HENMT1: variants seen among roughly 807,000 people sequenced by gnomAD.
HENMT1 encodes the protein HEN methyltransferase 1, also known as small RNA 2'-O-methyltransferase.
HENMT1 carries 27 observed loss-of-function variants against 31.1 expected under a neutral mutation model. That is an observed-to-expected ratio of 0.87 (90% CI 0.64 to 1.20). The LOEUF (loss-of-function observed/expected upper bound fraction) is 1.20. Ranked by LOEUF, HENMT1 falls within the 50% of genes most tolerant of loss-of-function variation. The probability of loss-of-function intolerance (pLI) is 0.00; values close to 1 mark genes in which losing one functional copy is unlikely to be tolerated. For missense variants in HENMT1, 438 were observed against 469.6 expected, an observed-to-expected ratio of 0.93 and a Z score of 0.62; for synonymous variants, 167 against 172.2, an observed-to-expected ratio of 0.97 and a Z score of 0.24.
rs1391079520 is a variant in HENMT1 at position 108,651,135 on chromosome 1, A to C, written c.473T>G (p.Ile158Ser). Residue 158 changes from isoleucine to serine, a missense_variant, in exon 6 of 8, where the codon ATT becomes AGT. By Grantham distance (142) the Ile-to-Ser change is moderately radical. Coordinates refer to ENST00000651461, the MANE Select transcript of HENMT1 (RefSeq NM_001102592.2). ...VVFGYLSPSM[I>S]VISTPNSEFN... is the part of the protein sequence containing the mutation. ...TTCAGAGTTTGGTGTGCTGATGACA[A>C]TCATGGATGGAGACAGGTACCCAAA... 1 of 1,614,006 alleles carries C rather than the reference A, an allele frequency of 6.2e-7. No individual in the cohort carries two copies. The highest frequency in any genetic ancestry group is 1.7e-5 in the Admixed American group (1 of 60,024).
chr1:108,659,719 T>C, intron 2 of HENMT1, 145 bp downstream of exon 2: 1 of 544,260 alleles, frequency 1.8e-6, no homozygotes, highest in Non-Finnish European at 3.3e-6. Context: ...GACTCTTTCA[T>C]CTATGTATAC....
At chr1:108,649,520 G>C (rs1485592401) in intron 7 of HENMT1, 2 of 374,728 alleles carry the variant, frequency 5.3e-6, no homozygotes, top group Non-Finnish European at 1.0e-5. Context: ...GGAGGCTCAA[G>C]TGGGAGGATC....
intron 5 of HENMT1, 108 bp downstream of exon 5, chr1:108,654,608 T>C: frequency 1.8e-6 from 2 of 1,086,676 alleles, no homozygotes; most frequent in Non-Finnish European, 2.6e-6. Flanking sequence ...CAATGAGCAG[T>C]TTTCCTTACA....
At chr1:108,661,341 T>G (rs560706267), upstream of HENMT1, 2 of 152,394 alleles carry the variant, frequency 1.3e-5, no homozygotes, top group East Asian at 3.9e-4. Flanking sequence ...CTTCCGAACC[T>G]TGGCGAGGAC....
chr1:108,657,541 G>A lies in HENMT1; in HGVS notation c.60C>T (p.Pro20=). 1 of 1,613,382 alleles carries A rather than the reference G, an allele frequency of 6.2e-7. No homozygotes were observed. Among genetic ancestry groups the A allele is most frequent in the South Asian group, 1.1e-5 (1 of 91,062 alleles). Residue 20 remains proline (P), a synonymous_variant, in exon 3 of 8, where the codon CCC becomes CCT. Coordinates refer to ENST00000651461, the MANE Select transcript of HENMT1 (RefSeq NM_001102592.2). ...GTTTAAACTGAATTGCCGTCTCCCT[G>A]GGAACTTCTTCAAAATTACCGTCAA... ...SVVDGNFEEV[P]RETAIQFKPP...
At position 108,654,790 on chromosome 1, in the gene HENMT1, G is replaced by C. The variant is rs1658166742; in HGVS notation, c.324C>G (p.Ile108Met). The C allele has an allele frequency of 6.2e-7, 1 of 1,613,928 alleles. No homozygotes were observed. The highest frequency in any genetic ancestry group is 8.5e-7 in the Non-Finnish European group (1 of 1,179,934). ...CCACAACGGAGCCATGATACAATGT[G>C]ATGGTCAAATTCAGATCCCGAGGTT... The part of the protein sequence containing the change: ...FLKPRDLNLT[I>M]TLYHGSVVER... The change falls in exon 5 of 8, where the codon ATC (isoleucine) becomes ATG (methionine). Residue 108 changes from isoleucine (I) to methionine (M), a missense_variant. Coordinates refer to ENST00000651461, the MANE Select transcript of HENMT1 (RefSeq NM_001102592.2).
At position 108,652,377 on chromosome 1, in the gene HENMT1, A is replaced by G. The variant is rs75614770; in HGVS notation, c.399-1168T>C. 4.0e-3 allele frequency among the ~76,000 whole-genome samples: 603 copies of G among 152,360 alleles called. 4 individuals carry two copies. Among genetic ancestry groups the G allele is most frequent in the African/African-American group, 0.014 (567 of 41,570 alleles). Reference sequence around the variant, plus strand: ...CAACCTACTCTGAGATGGTTCAGATAAAAAATACACGTAGAAAGTTATATT... The same window carrying G: ...CAACCTACTCTGAGATGGTTCAGATGAAAAATACACGTAGAAAGTTATATT... On this transcript the variant is annotated intron_variant, in intron 5 of 7. Transcript: ENST00000651461.
intron 1 of HENMT1, among the ~76,000 whole-genome samples, chr1:108,660,506 T>G (rs896306834): frequency 6.6e-6 from 1 of 152,232 alleles, no homozygotes; most frequent in African/African-American, 2.4e-5. Flanking sequence ...AAACTAGAGA[T>G]GCTCCAACAT....
At chr1:108,658,369 G>A (rs11102178) in intron 2 of HENMT1, among the ~76,000 whole-genome samples, 7,899 of 152,074 alleles carry the variant, frequency 0.052, 319 homozygotes, top group East Asian at 0.17. Flanking sequence ...TCCTGACCTC[G>A]TGATCCACCC....
intron 4 of HENMT1, among the ~76,000 whole-genome samples, chr1:108,655,320 G>A (rs745398073): frequency 1.4e-4 from 22 of 152,232 alleles, no homozygotes; most frequent in Admixed American, 7.2e-4. Context: ...ATAGTGTCCA[G>A]CATTAAAGTG....
intron 4 of HENMT1, 38 bp from the exon 5 acceptor site, chr1:108,654,888 T>C: frequency 6.2e-7 from 1 of 1,607,128 alleles, no homozygotes; most frequent in Non-Finnish European, 8.5e-7. Flanking sequence ...CTGAACATTA[T>C]CTATTTAAAA....
At position 108,650,372 on chromosome 1, in the gene HENMT1, T is replaced by C; in HGVS notation, c.595A>G (p.Asn199Asp). 1.2e-6 allele frequency: 2 copies of C among 1,613,140 alleles called. No individual in the cohort carries two copies. The highest frequency in any genetic ancestry group is 1.7e-6 in the Non-Finnish European group (2 of 1,179,786). The change falls in exon 7 of 8, where the codon AAT becomes GAT. Residue 199 changes from asparagine (N) to aspartate (D), a missense_variant. By Grantham distance (23) the Asn-to-Asp change is conservative. Transcript: ENST00000651461. ...AACTCCACAGAGTAATCATAGCGAT[T>C]TGCCACATATAAAGCCCTGAAACCA... is the stretch of plus-strand genomic sequence containing the variant. The part of the protein sequence containing the change: ...EFQTWALYVA[N>D]RYDYSVEFTG...
chr1:108,652,447 T>C (rs1658084613), intron 5 of HENMT1, among the ~76,000 whole-genome samples: 1 of 152,200 alleles, frequency 6.6e-6, no homozygotes, highest in Non-Finnish European at 1.5e-5. Context: ...AAATAAGTGG[T>C]AAATCTAGGT....
chr1:108,654,894 T>C (rs1455808257), intron 4 of HENMT1, 44 bp from the exon 5 acceptor site: 2 of 1,598,276 alleles, frequency 1.3e-6, no homozygotes, highest in East Asian at 4.5e-5. Context: ...ATTATCTATT[T>C]AAAAATTCTC....
intron 1 of HENMT1, among the ~76,000 whole-genome samples, 159 bp from the exon 2 acceptor site, chr1:108,660,121 CAAA>C (rs34387673): frequency 5.6e-5 from 7 of 125,970 alleles, no homozygotes; most frequent in South Asian, 2.6e-4. Flanking sequence ...TCTGAGTACT[CAAA>C]AAAAAAAAAA....
At chr1:108,657,420 TA>T in intron 3 of HENMT1, 30 bp downstream of exon 3, 1 of 1,532,912 alleles carries the variant, frequency 6.5e-7, no homozygotes, top group Non-Finnish European at 9.0e-7. Flanking sequence ...CTAGTCTTAA[TA>T]ATTAAATGTT....
At chr1:108,650,984 A>G in intron 6 of HENMT1, 46 bp downstream of exon 6, 1 of 1,360,876 alleles carries the variant, frequency 7.3e-7, no homozygotes, top group South Asian at 1.3e-5. Context: ...CTAAGATTTT[A>G]AACTCCAACA....
chr1:108,660,207 G>A (rs192802891), intron 1 of HENMT1, among the ~76,000 whole-genome samples: 1 of 149,952 alleles, frequency 6.7e-6, no homozygotes, highest in East Asian at 2.0e-4. Context: ...TAGCCAATCT[G>A]TGGATTAAAT....
chr1:108,655,848 T>TACACACACACAC (rs61122468), intron 3 of HENMT1, 150 bp from the exon 4 acceptor site: 172 of 234,026 alleles, frequency 7.3e-4, no homozygotes, highest in African/African-American at 1.9e-3. Context: ...CAGAAGATGC[T>TACACACACACAC]ACACACACAC....
Sources: gnomAD v4.1 joint callset for allele counts (sites outside exome capture counted in the v4.1 genomes callset) on GRCh38, gnomAD v4.1.1 for gene constraint, MANE v1.5 for transcripts, NCBI Gene and HGNC (gene_info 2026-07-23, HGNC 2026-07-21) for gene names.